The following USP40 variants were observed in gnomAD, a reference collection of about 807,000 sequenced individuals.
The protein encoded by USP40 is ubiquitin carboxyl-terminal hydrolase 40.
Under a neutral mutation model 166.2 loss-of-function variants are expected in USP40, and 143 were observed. The ratio of observed to expected loss-of-function variants is 0.86; its 90% CI spans 0.75 to 0.99. The LOEUF (loss-of-function observed/expected upper bound fraction) is 0.99, where lower values mean the gene tolerates loss of function less well. USP40 is among the 50% of genes least tolerant of loss of function. The probability of loss-of-function intolerance (pLI) is 0.00; values close to 1 mark genes in which losing one functional copy is unlikely to be tolerated. For synonymous variants in USP40, 498 were observed against 524.0 expected, an observed-to-expected ratio of 0.95 and a Z score of 0.68; for missense variants, 1,444 against 1,479.7, an observed-to-expected ratio of 0.98 and a Z score of 0.40.
intron 21 of USP40, among the ~76,000 whole-genome samples, chr2:233,508,077 T>G (rs1411339953): frequency 6.6e-6 from 1 of 152,196 alleles, no homozygotes; most frequent in East Asian, 1.9e-4. Flanking sequence ...ATAACCCACT[T>G]TCCCTGCCCT....
intron 5 of USP40, among the ~76,000 whole-genome samples, chr2:233,555,806 T>C (rs1640317892): frequency 6.6e-6 from 1 of 151,882 alleles, no homozygotes; most frequent in Non-Finnish European, 1.5e-5. Context: ...AAGAAAGCAA[T>C]TAACACCTTT....
At chr2:233,485,290 T>C (rs1443724376) in intron 30 of USP40, among the ~76,000 whole-genome samples, 4 of 152,218 alleles carry the variant, frequency 2.6e-5, no homozygotes, top group Non-Finnish European at 5.9e-5. Context: ...GAATTTTCCA[T>C]GTATGGTCAG....
At chr2:233,543,196 T>A (rs903830549) in intron 8 of USP40, among the ~76,000 whole-genome samples, 2 of 152,168 alleles carry the variant, frequency 1.3e-5, no homozygotes, top group African/African-American at 4.8e-5. Context: ...TTAAATGGAC[T>A]TAAAACCAGA....
At chr2:233,561,252 A>G in intron 3 of USP40, 1 of 1,510,782 alleles carries the variant, frequency 6.6e-7, no homozygotes, top group Non-Finnish European at 8.9e-7. Flanking sequence ...AAGAGCCCGC[A>G]TCGCCAAGTC....
chr2:233,510,378 A>G (rs1401792999), intron 20 of USP40, among the ~76,000 whole-genome samples: 5 of 122,162 alleles, frequency 4.1e-5, no homozygotes, highest in African/African-American at 3.2e-5. Flanking sequence ...CACATACACT[A>G]CTTCTTTTTC....
intron 27 of USP40, among the ~76,000 whole-genome samples, chr2:233,489,052 C>G (rs2065138094): frequency 6.6e-6 from 1 of 152,252 alleles, no homozygotes; most frequent in South Asian, 2.1e-4. Flanking sequence ...GGAGGATCAG[C>G]TGAATCCAAC....
chr2:233,528,799 G>A (rs1355816356), intron 12 of USP40, among the ~76,000 whole-genome samples: 3 of 151,942 alleles, frequency 2.0e-5, no homozygotes, highest in Non-Finnish European at 1.5e-5. Context: ...AGGAGATCAC[G>A]GTAACATCCA....
chr2:233,478,433 G>T (rs2064326535), intron 31 of USP40, among the ~76,000 whole-genome samples: 1 of 152,136 alleles, frequency 6.6e-6, no homozygotes, highest in African/African-American at 2.4e-5. Flanking sequence ...GAATGGCTGA[G>T]CATATTTTTA....
intron 21 of USP40, among the ~76,000 whole-genome samples, chr2:233,506,449 T>A (rs1463003205): frequency 6.6e-6 from 1 of 152,068 alleles, no homozygotes; most frequent in African/African-American, 2.4e-5. Context: ...CAAGAATTTT[T>A]AAAATAAGCT....
chr2:233,523,321 G>A lies in USP40; in HGVS notation c.2050C>T (p.Pro684Ser), dbSNP rs2067788934. 6.2e-7 allele frequency: 1 copy of A among 1,613,954 alleles called. No homozygotes were observed. The highest frequency in any genetic ancestry group is 8.5e-7 in the Non-Finnish European group (1 of 1,179,868). Residue 684 changes from proline (P) to serine (S), a missense_variant, in exon 16 of 32, where the codon CCA (proline) becomes TCA (serine). Physicochemically the swap from Pro to Ser is moderately conservative, Grantham distance 74. Coordinates refer to ENST00000678225, the MANE Select transcript of USP40 (RefSeq NM_001365479.2). ...CTGTTGATGAAGATGACACCTGCTG[G>A]GATTGCTAAGGCTGTGAGGACAGTG... Reference protein sequence around the residue: ...VGTVLTALAIPAGVIFINSAG... With the variant: ...VGTVLTALAISAGVIFINSAG...
rs1290400237 is a variant in USP40, at chr2:233,493,020, G to A, written c.2917+405C>T. On this transcript the variant is annotated intron_variant, in intron 25 of 31. Transcript: ENST00000678225. This position sits in a 1 kb window ranked among gnomAD's most constrained non-coding sequence, Gnocchi z 4.7. ...CTGAGGGTTTTGAGGCAGAAAGATTGGAAGACATGTAGGATGTGGACTCCT... is the reference window on the plus strand; with the variant it reads ...CTGAGGGTTTTGAGGCAGAAAGATTAGAAGACATGTAGGATGTGGACTCCT... The A allele has an allele frequency of 4.7e-6, 1 of 214,606 alleles. No individual in the cohort carries two copies. Among genetic ancestry groups the A allele is most frequent in the African/African-American group, 2.3e-5 (1 of 43,688 alleles). 13.3% of individuals were successfully genotyped at this position (214,606 alleles called of 1,614,324 possible).
chr2:233,542,456 A>C, intron 8 of USP40, 93 bp from the exon 9 acceptor site: 2 of 717,244 alleles, frequency 2.8e-6, no homozygotes. Flanking sequence ...CACACCTGTA[A>C]TCCCAGCAAT....
chr2:233,560,744 T>C lies in USP40; in HGVS notation c.268-820A>G. ...TCACCACAATAACAAACAAAATAAT[T>C]AACTCATTACTCAATTTATTTCCAG... On this transcript the variant is annotated intron_variant, in intron 3 of 31. Coordinates refer to ENST00000678225, the MANE Select transcript of USP40 (RefSeq NM_001365479.2). 1.3e-5 allele frequency: 5 copies of C among 389,960 alleles called. 1 individual carries two copies. In the South Asian group the frequency reaches 3.1e-4, roughly 24 times the overall value. The allele number at this position is 389,960 out of a possible 1,614,324, so 24.2% of individuals were successfully genotyped here.
intron 13 of USP40, 32 bp from the exon 14 acceptor site, chr2:233,525,594 T>C (rs1246822028): frequency 1.3e-6 from 2 of 1,551,526 alleles, no homozygotes; most frequent in African/African-American, 1.4e-5. Context: ...AAAGAGAATG[T>C]TGAAAAGTGA....
chr2:233,499,912 A>C lies in USP40; in HGVS notation c.2617T>G (p.Leu873Val). 6.2e-7 allele frequency: 1 copy of C among 1,612,026 alleles called. No individual in the cohort carries two copies. The highest frequency in any genetic ancestry group is 1.1e-5 in the South Asian group (1 of 90,684). Residue 873 changes from leucine (L) to valine (V), a missense_variant, in exon 22 of 32, where the codon TTA (leucine) becomes GTA (valine). By Grantham distance (32) the Leu-to-Val change is conservative (BLOSUM62 1). Transcript: ENST00000678225. ...CCAGATTTCTTCAGCATTAACTTTA[A>C]ACACTGTAAAGAAAAACAATGTCCA... The part of the protein sequence containing the change: ...VEETISVRDC[L>V]KLMLKKSGLQ...
chr2:233,511,154 T>A (rs2066806125), intron 20 of USP40, among the ~76,000 whole-genome samples: 1 of 152,172 alleles, frequency 6.6e-6, no homozygotes, highest in African/African-American at 2.4e-5. Flanking sequence ...ATTAGCTGGG[T>A]ATGGCTTCTG....
intron 21 of USP40, among the ~76,000 whole-genome samples, chr2:233,509,683 A>G (rs561216889): frequency 3.5e-4 from 53 of 152,024 alleles, no homozygotes; most frequent in African/African-American, 1.2e-3. Context: ...TCTACTAAAA[A>G]TACAAAAATT....
At chr2:233,543,893 T>TAGCA (rs1200338609) in intron 8 of USP40, among the ~76,000 whole-genome samples, 1 of 152,228 alleles carries the variant, frequency 6.6e-6, no homozygotes, top group African/African-American at 2.4e-5. Context: ...AGAGAAAGCC[T>TAGCA]AGGCCTACCC....
Position 233,540,758 on chromosome 2 carries a change from A to G in USP40, c.1074T>C (p.Asn358=), listed in dbSNP as rs749742152. 1.2e-6 allele frequency: 2 copies of G among 1,612,374 alleles called. No individual in the cohort carries two copies. The highest frequency in any genetic ancestry group is 4.5e-5 in the East Asian group (2 of 44,834). ...GGCCCAGCTGATCAACAGGAATTAG[A>G]TTATTCTCCTCCTTATGAGAGAAAC... is the stretch of plus-strand genomic sequence containing the variant. ...LKAILLEEEN[N]LIPVDQLGQK... The change falls in exon 10 of 32, where the codon AAT becomes AAC. Residue 358 remains asparagine, a synonymous_variant. Transcript: ENST00000678225.
Sources: allele counts gnomAD v4.1 joint callset (sites outside exome capture counted in the v4.1 genomes callset), GRCh38; gene constraint gnomAD v4.1.1; non-coding constraint Gnocchi (gnomAD v3.1); transcripts MANE v1.5; gene names NCBI Gene and HGNC (gene_info 2026-07-23, HGNC 2026-07-21).